LMX1A: variants seen among roughly 807,000 people sequenced by gnomAD.
LMX1A encodes the protein LIM homeobox transcription factor 1 alpha.
Under a neutral mutation model 49.1 loss-of-function variants are expected in LMX1A, and 15 were observed. The ratio of observed to expected loss-of-function variants is 0.31; its 90% CI spans 0.20 to 0.47. The LOEUF (loss-of-function observed/expected upper bound fraction) is 0.47, where lower values mean the gene tolerates loss of function less well. Ranked by LOEUF, LMX1A falls within the 20% of genes least tolerant of loss-of-function variation. LMX1A has a pLI of 1.00. For synonymous variants in LMX1A, 167 were observed against 185.7 expected (o/e 0.90, Z 0.82); for missense variants, 372 against 475.8 (o/e 0.78, Z 2.03).
intron 4 of LMX1A, among the ~76,000 whole-genome samples, chr1:165,246,031 C>T (rs1652838569): frequency 6.6e-6 from 1 of 151,720 alleles, no homozygotes; most frequent in Non-Finnish European, 1.5e-5. Flanking sequence ...ACAATATATA[C>T]GTAAGGTGCT....
chr1:165,205,511 C>T (rs953238766), intron 8 of LMX1A, among the ~76,000 whole-genome samples: 5 of 152,158 alleles, frequency 3.3e-5, no homozygotes, highest in Admixed American at 1.3e-4. Flanking sequence ...TTTAGGTAAA[C>T]GTTTGCTTAA....
chr1:165,335,231 TAA>T (rs2101756300), intron 3 of LMX1A, among the ~76,000 whole-genome samples: 1 of 152,304 alleles, frequency 6.6e-6, no homozygotes, highest in South Asian at 2.1e-4. Flanking sequence ...AAATGAATCT[TAA>T]AAGAGTTGAG....
intron 3 of LMX1A, among the ~76,000 whole-genome samples, chr1:165,291,819 T>C (rs1249997238): frequency 6.6e-6 from 1 of 152,032 alleles, no homozygotes; most frequent in African/African-American, 2.4e-5. Context: ...ATCCCAGCAC[T>C]TTGGGAGGCC....
At chr1:165,334,368 A>G (rs1655838966) in intron 3 of LMX1A, among the ~76,000 whole-genome samples, 1 of 152,198 alleles carries the variant, frequency 6.6e-6, no homozygotes, top group South Asian at 2.1e-4. Flanking sequence ...GTTAAGTTTT[A>G]ACTCATCATC....
At chr1:165,214,006 C>A (rs1384227709) in intron 4 of LMX1A, among the ~76,000 whole-genome samples, 193 bp from the exon 5 acceptor site, 1 of 152,194 alleles carries the variant, frequency 6.6e-6, no homozygotes. Context: ...CAGAGACAGG[C>A]AGCAGAAAGT....
At chr1:165,244,522 C>CCA (rs1424965040) in intron 4 of LMX1A, among the ~76,000 whole-genome samples, 2 of 152,064 alleles carry the variant, frequency 1.3e-5, no homozygotes, top group African/African-American at 4.8e-5. Context: ...TAAGGGATAC[C>CCA]CAGCTGGTGT....
At chr1:165,225,421 G>A (rs556206978) in intron 4 of LMX1A, among the ~76,000 whole-genome samples, 19 of 152,218 alleles carry the variant, frequency 1.2e-4, no homozygotes, top group Non-Finnish European at 2.4e-4. Context: ...AGGTGAAATT[G>A]AGTGTCTCAA....
At chr1:165,267,569 ACTG>A (rs1391845424) in intron 3 of LMX1A, among the ~76,000 whole-genome samples, 1 of 152,152 alleles carries the variant, frequency 6.6e-6, no homozygotes, top group East Asian at 1.9e-4. Context: ...AATCACTATC[ACTG>A]CTGTGTTGAG....
intron 4 of LMX1A, among the ~76,000 whole-genome samples, chr1:165,222,834 A>G (rs1651897549): frequency 1.3e-5 from 2 of 151,976 alleles, no homozygotes; most frequent in Admixed American, 1.3e-4. Flanking sequence ...ACTCCAGTCC[A>G]TTCCATAAAC....
At position 165,328,138 on chromosome 1, in the gene LMX1A, C is replaced by A. The variant is rs530924261; in HGVS notation, c.263+24938G>T. Among the ~76,000 whole-genome samples the A allele has an allele frequency of 2.0e-5, 3 of 152,330 alleles. No individual in the cohort carries two copies. The South Asian group carries it at 6.2e-4, about 32-fold the overall frequency. ...AAAATTGCATTAACAAAAACACCAA[C>A]CTGCACCCTTGTTTAGTTCTTTCTC... On this transcript the variant is annotated intron_variant, in intron 3 of 8. Coordinates refer to ENST00000342310, the MANE Select transcript of LMX1A (RefSeq NM_177398.4).
At chr1:165,213,322 C>T (rs1651501866) in intron 5 of LMX1A, 3 of 254,646 alleles carry the variant, frequency 1.2e-5, no homozygotes, top group Admixed American at 1.0e-4. Context: ...ATACTCTTTG[C>T]TTTACAGCAT....
At chr1:165,256,758 C>T (rs1019734905) in intron 3 of LMX1A, among the ~76,000 whole-genome samples, 1 of 151,918 alleles carries the variant, frequency 6.6e-6, no homozygotes, top group African/African-American at 2.4e-5. Context: ...TCCTCTGTAA[C>T]CAAGGAGACA....
At chr1:165,345,701 C>A (rs1656222765) in intron 3 of LMX1A, among the ~76,000 whole-genome samples, 2 of 152,332 alleles carry the variant, frequency 1.3e-5, no homozygotes, top group Non-Finnish European at 2.9e-5. Context: ...CCCCACCCAA[C>A]TGAGTGGTCA....
At chr1:165,271,224 G>A (rs57618459) in intron 3 of LMX1A, among the ~76,000 whole-genome samples, 10,809 of 152,152 alleles carry the variant, frequency 0.071, 503 homozygotes, top group East Asian at 0.16. Context: ...AAACAATGAA[G>A]AACCCCCTGG....
At chr1:165,258,132 G>A (rs2102645687) in intron 3 of LMX1A, among the ~76,000 whole-genome samples, 1 of 152,366 alleles carries the variant, frequency 6.6e-6, no homozygotes. Context: ...CAGCATAGCA[G>A]CATTCATTCA....
At chr1:165,215,116 G>C (rs538320974) in intron 4 of LMX1A, among the ~76,000 whole-genome samples, 1 of 152,216 alleles carries the variant, frequency 6.6e-6, no homozygotes, top group South Asian at 2.1e-4. Flanking sequence ...TCAGGAGTTT[G>C]AGATTATCCT....
At chr1:165,322,104 T>C (rs1352530900) in intron 3 of LMX1A, among the ~76,000 whole-genome samples, 2 of 152,014 alleles carry the variant, frequency 1.3e-5, no homozygotes, top group African/African-American at 4.8e-5. Context: ...TTTAGGGAAA[T>C]GCAAATCAAA....
At chr1:165,275,562 A>G (rs1653939508) in intron 3 of LMX1A, among the ~76,000 whole-genome samples, 1 of 152,126 alleles carries the variant, frequency 6.6e-6, no homozygotes, top group Non-Finnish European at 1.5e-5. Flanking sequence ...GTTCCCCTCA[A>G]TTACACTCTG....
intron 3 of LMX1A, among the ~76,000 whole-genome samples, chr1:165,279,283 A>C (rs543472362): frequency 6.6e-6 from 1 of 152,214 alleles, no homozygotes; most frequent in Non-Finnish European, 1.5e-5. Context: ...CCTCGTCCCC[A>C]ATAACTGCCT....
Sources: gnomAD v4.1 joint callset for allele counts (sites outside exome capture counted in the v4.1 genomes callset) on GRCh38, gnomAD v4.1.1 for gene constraint, MANE v1.5 for transcripts, NCBI Gene and HGNC (gene_info 2026-07-23, HGNC 2026-07-21) for gene names.